ARHGEF1: variants seen among roughly 807,000 people sequenced by gnomAD.
The protein encoded by ARHGEF1 is 115 kDa guanine nucleotide exchange factor.
In ARHGEF1, 40 loss-of-function variants were observed where a neutral mutation model predicts 119.7. The observed-to-expected ratio is 0.33, with a 90% CI of 0.26 to 0.44. ARHGEF1 has a LOEUF of 0.44. Among genes scored for constraint, ARHGEF1 ranks in the 20% least tolerant of loss-of-function variants. The pLI, the probability that ARHGEF1 is intolerant of heterozygous loss-of-function variation, is 1.00. For missense variants in ARHGEF1, 976 were observed against 1,268.3 expected, an observed-to-expected ratio of 0.77 and a Z score of 3.50; for synonymous variants, 494 against 521.0, an observed-to-expected ratio of 0.95 and a Z score of 0.71.
Position 41,893,322 on chromosome 19 carries a change from G to A in ARHGEF1, c.644+19G>A. The A allele has an allele frequency of 1.3e-6, 2 of 1,598,436 alleles. No homozygotes were observed. Among genetic ancestry groups the A allele is most frequent in the Non-Finnish European group, 1.7e-6 (2 of 1,172,422 alleles). On this transcript the variant is annotated intron_variant, in intron 8 of 28. Coordinates refer to ENST00000354532, the MANE Select transcript of ARHGEF1 (RefSeq NM_004706.4). Reference sequence around the variant, plus strand: ...AAAAGAGGTGAGGGGGGCAGGGGAGGCGTGCGGCCTCCTGGGTTTGAGGGA... The same window carrying A: ...AAAAGAGGTGAGGGGGGCAGGGGAGACGTGCGGCCTCCTGGGTTTGAGGGA...
chr19:41,909,342 T>C (rs891554723), downstream of ARHGEF1: 14 of 1,235,006 alleles, frequency 1.1e-5, no homozygotes, highest in African/African-American at 2.2e-4. This position sits in a 1 kb window ranked among gnomAD's most constrained non-coding sequence, Gnocchi z 5.2. Context: ...TCAGCAAGAG[T>C]GGGGAGCCAG....
chr19:41,926,728 CG>C (rs1245665402), intron 1 of ARHGEF1, among the ~76,000 whole-genome samples: 4 of 145,878 alleles, frequency 2.7e-5, no homozygotes, highest in Non-Finnish European at 6.0e-5. Flanking sequence ...GGGGAGCGGG[CG>C]GGGGGGCCGT....
chr19:41,892,800 C>A lies in ARHGEF1; in HGVS notation c.565C>A (p.Arg189=). The A allele has an allele frequency of 6.3e-7, 1 of 1,594,416 alleles. No homozygotes were observed. Among genetic ancestry groups the A allele is most frequent in the Admixed American group, 1.7e-5 (1 of 59,486 alleles). ...GCGGGACCGAGCCAGCTACGAGGCC[C>A]GGGAGCGGCACGTGGCGGAGCGGCT... ...VGRDRASYEA[R]ERHVAERLLM... The change falls in exon 7 of 29, where the codon CGG becomes AGG. Residue 189 remains arginine (R), a synonymous_variant. Transcript: ENST00000354532. The surrounding 1 kb of genome is among the most constrained non-coding windows in gnomAD (Gnocchi z 6.3).
upstream of ARHGEF1, chr19:41,922,971 C>T (rs2145908243): frequency 2.7e-6 from 1 of 367,592 alleles, no homozygotes; most frequent in Admixed American, 3.5e-5. Context: ...CACTCACTCC[C>T]ACTGACAGCC....
At chr19:41,909,485 G>A (rs2074740721), downstream of ARHGEF1, 1 of 1,248,670 alleles carries the variant, frequency 8.0e-7, no homozygotes, top group Admixed American at 4.1e-5. This position sits in a 1 kb window ranked among gnomAD's most constrained non-coding sequence, Gnocchi z 5.2. Context: ...TGGGGAGAGT[G>A]GTGGTGTTGG....
Position 41,888,942 on chromosome 19 carries a change from G to A in ARHGEF1, c.225+77G>A, listed in dbSNP as rs2074335704. ...AGCTTTTAGCGAATTAAACCAGCGA[G>A]CTAGTGCCTGGAGGGTCTGGAAAAG... On this transcript the variant is annotated intron_variant, in intron 4 of 28. Coordinates refer to ENST00000354532, the MANE Select transcript of ARHGEF1 (RefSeq NM_004706.4). The surrounding 1 kb of genome is among the most constrained non-coding windows in gnomAD (Gnocchi z 5.1). 8.0e-7 allele frequency: 1 copy of A among 1,251,400 alleles called. No individual in the cohort carries two copies. Among genetic ancestry groups the A allele is most frequent in the East Asian group, 2.5e-5 (1 of 39,932 alleles). 77.5% of individuals were successfully genotyped at this position (1,251,400 alleles called of 1,614,324 possible). A position where few individuals can be genotyped will look rare whatever the true frequency, so the allele number is the denominator to read the frequency against.
chr19:41,888,236 C>T lies in ARHGEF1; in HGVS notation c.69C>T (p.Ile23=). Residue 23 remains isoleucine (I), a synonymous_variant, in exon 3 of 29, where the codon ATC becomes ATT. Transcript: ENST00000354532. This position sits in a 1 kb window ranked among gnomAD's most constrained non-coding sequence, Gnocchi z 5.1. ...GGCCTGGCCTGGTTCCCGTCAGCAT[C>T]ATCGGGGCTGAGGATGAGGATTTTG... ...PSRPGLVPVS[I]IGAEDEDFEN... 6.2e-7 allele frequency: 1 copy of T among 1,614,092 alleles called. No homozygotes were observed. The highest frequency in any genetic ancestry group is 1.1e-5 in the South Asian group (1 of 91,084).
intron 13 of ARHGEF1, chr19:41,897,420 CTCCCT>C: frequency 2.0e-6 from 2 of 991,920 alleles, no homozygotes; most frequent in Non-Finnish European, 2.6e-6. Context: ...CTCCCCTTCA[CTCCCT>C]GTGAGGGGTG....
At chr19:41,908,971 C>G (rs540150464), downstream of ARHGEF1, 1 of 847,112 alleles carries the variant, frequency 1.2e-6, no homozygotes, top group Non-Finnish European at 1.6e-6. The surrounding 1 kb of genome is among the most constrained non-coding windows in gnomAD (Gnocchi z 6.7). Flanking sequence ...CCTTCCCCAT[C>G]TCTTCTCTTG....
chr19:41,923,334 A>G, intron 1 of ARHGEF1: 3 of 373,548 alleles, frequency 8.0e-6, no homozygotes, highest in East Asian at 7.4e-5. Flanking sequence ...AGACAGACAC[A>G]GAGTCCAGGA....
At position 41,898,569 on chromosome 19, in the gene ARHGEF1, C is replaced by T. The variant is rs1555848459; in HGVS notation, c.1249C>T (p.Arg417Trp). ...LHSLPKSQVKRQEVISELLVT... is the reference protein window; with the variant it reads ...LHSLPKSQVKWQEVISELLVT... ...CAGCCTGCCCAAGAGCCAGGTGAAG[C>T]GGCAGGAGGTCATCAGCGGTGAGTA... is the stretch of plus-strand genomic sequence containing the variant. The change falls in exon 14 of 29, where the codon CGG becomes TGG. Residue 417 changes from arginine to tryptophan, a missense_variant. This residue lies in a region of ARHGEF1 where 286 missense variants were observed against 506.8 expected (regional missense o/e 0.56). Transcript: ENST00000354532. 2.5e-6 allele frequency: 4 copies of T among 1,583,386 alleles called. No individual in the cohort carries two copies. Among genetic ancestry groups the T allele is most frequent in the Admixed American group, 1.8e-5 (1 of 56,098 alleles).
chr19:41,925,651 G>T (rs1421610032), intron 1 of ARHGEF1, among the ~76,000 whole-genome samples: 1 of 152,146 alleles, frequency 6.6e-6, no homozygotes, highest in Non-Finnish European at 1.5e-5. Context: ...TTAGGACACA[G>T]GTGGGGAAGG....
intron 12 of ARHGEF1, among the ~76,000 whole-genome samples, chr19:41,896,059 C>T (rs897429791): frequency 4.6e-5 from 7 of 152,170 alleles, no homozygotes; most frequent in South Asian, 2.1e-4. Flanking sequence ...AGCACAGAAT[C>T]CAGGGCCCTC....
rs1416671832 is a variant in ARHGEF1 at position 41,884,519 on chromosome 19, G to C, written c.-20+1230G>C. ...GTGAGGGACGCGGTCCCCAGCGGGTGTCAGACCCTGACTCTGCACGTCCTC... is the reference window on the plus strand; with the variant it reads ...GTGAGGGACGCGGTCCCCAGCGGGTCTCAGACCCTGACTCTGCACGTCCTC... On this transcript the variant is annotated intron_variant, in intron 1 of 28. Transcript: ENST00000354532. 3 of 1,605,150 alleles carry C rather than the reference G, an allele frequency of 1.9e-6. No individual in the cohort carries two copies. In the Admixed American group the frequency reaches 5.0e-5, roughly 27 times the overall value.
rs1555850558 is a variant in ARHGEF1 at position 41,907,337 on chromosome 19, G to A, written c.*250G>A. The A allele has an allele frequency of 2.0e-6, 3 of 1,534,880 alleles. No homozygotes were observed. The highest frequency in any genetic ancestry group is 3.9e-5 in the Admixed American group (2 of 50,804). ...TCTGGAGGGCACCACGGTGACCCGG[G>A]CCATCTCAGTATTGCCTGTGGGGGC... On this transcript the variant is annotated 3_prime_UTR_variant, in exon 29 of 29. Transcript: ENST00000354532.
rs1555847340 is a variant in ARHGEF1, at chr19:41,895,381, G to T, written c.910G>T (p.Gly304Cys). ...GCCAGGTGCTACAGACCGGAAGGGA[G>T]GCGTGGGGATGCCCTCTCGGGACCG... ...EKPGATDRKG[G>C]VGMPSRDRNI... is the part of the protein sequence containing the mutation. The change falls in exon 12 of 29, where the codon GGC (glycine) becomes TGC (cysteine). Residue 304 changes from glycine (G) to cysteine (C), a missense_variant. By Grantham distance (159) the Gly-to-Cys change is radical. Transcript: ENST00000354532. 1.2e-6 allele frequency: 2 copies of T among 1,612,430 alleles called. No homozygotes were observed. The highest frequency in any genetic ancestry group is 1.6e-4 in the Middle Eastern group (1 of 6,080).
chr19:41,914,574 C>CCCTCCCTTTCCACCATCTCT (rs1568831580), intron 18 of ARHGEF1, among the ~76,000 whole-genome samples: 2 of 17,932 alleles, frequency 1.1e-4, no homozygotes, highest in Non-Finnish European at 2.3e-4. Flanking sequence ...TCTCTGTCTC[C>CCCTCCCTTTCCACCATCTCT]GTCTCTCCCT....
At chr19:41,908,072 C>T, downstream of ARHGEF1, 2 of 497,282 alleles carry the variant, frequency 4.0e-6, no homozygotes, top group Non-Finnish European at 6.3e-6. The surrounding 1 kb of genome is among the most constrained non-coding windows in gnomAD (Gnocchi z 6.7). Flanking sequence ...AAGTGAGACC[C>T]CCCCCACTCT....
chr19:41,896,935 C>A (rs1555847846), intron 13 of ARHGEF1: 1 of 345,730 alleles, frequency 2.9e-6, no homozygotes, highest in South Asian at 2.0e-5. Context: ...CCTCTCTCAC[C>A]TCCCCCCTCC....
Sources: allele counts gnomAD v4.1 joint callset (sites outside exome capture counted in the v4.1 genomes callset), GRCh38; gene constraint gnomAD v4.1.1; regional missense constraint gnomAD v4.1.1; non-coding constraint Gnocchi (gnomAD v3.1); transcripts MANE v1.5; gene names NCBI Gene and HGNC (gene_info 2026-07-23, HGNC 2026-07-21).